Variants in NRG3 observed in about 807,000 individuals in gnomAD.
The protein encoded by NRG3 is pro-neuregulin-3, membrane-bound isoform.
Under a neutral mutation model 66.9 loss-of-function variants are expected in NRG3, and 31 were observed. The ratio of observed to expected loss-of-function variants is 0.46; its 90% CI spans 0.35 to 0.63. The LOEUF (loss-of-function observed/expected upper bound fraction) is 0.63. NRG3 is among the 20% of genes least tolerant of loss of function. The pLI is 0.00. For synonymous variants in NRG3, 393 were observed against 359.4 expected, an observed-to-expected ratio of 1.09 and a Z score of -1.06; for missense variants, 910 against 878.9, an observed-to-expected ratio of 1.04 and a Z score of -0.45.
intron 4 of NRG3, among the ~76,000 whole-genome samples, chr10:82,868,095 C>G (rs1840941021): frequency 6.6e-6 from 1 of 152,054 alleles, no homozygotes; most frequent in Admixed American, 6.6e-5. Flanking sequence ...GTCTAGATCC[C>G]CAGTGTAGCC....
chr10:81,903,974 G>GTATATA (rs71007284), intron 1 of NRG3, among the ~76,000 whole-genome samples: 11 of 143,424 alleles, frequency 7.7e-5, no homozygotes, highest in Non-Finnish European at 1.7e-4. Context: ...TTCAGAGTGT[G>GTATATA]TATATATATA....
intron 1 of NRG3, among the ~76,000 whole-genome samples, chr10:82,214,079 A>C (rs922805323): frequency 2.6e-5 from 4 of 152,146 alleles, no homozygotes; most frequent in Non-Finnish European, 5.9e-5. Flanking sequence ...TGTTCTGACA[A>C]AGTGTTTTTT....
intron 2 of NRG3, among the ~76,000 whole-genome samples, chr10:82,427,090 C>T (rs971837071): frequency 6.6e-6 from 1 of 151,956 alleles, no homozygotes; most frequent in Non-Finnish European, 1.5e-5. Context: ...TGTGGGTGTG[C>T]ATTTGTGTGT....
At chr10:82,443,450 C>CT (rs2090549704) in intron 2 of NRG3, among the ~76,000 whole-genome samples, 1 of 152,166 alleles carries the variant, frequency 6.6e-6, no homozygotes, top group Non-Finnish European at 1.5e-5. Flanking sequence ...TGCAGATTAA[C>CT]TTTTTTAAGA....
chr10:82,299,083 C>T (rs2080243279), intron 1 of NRG3, among the ~76,000 whole-genome samples: 1 of 152,024 alleles, frequency 6.6e-6, no homozygotes, highest in Non-Finnish European at 1.5e-5. Context: ...AAGGGGAGCA[C>T]CCCACCCACC....
chr10:82,328,319 C>T (rs1249281844), intron 1 of NRG3, among the ~76,000 whole-genome samples: 1 of 152,090 alleles, frequency 6.6e-6, no homozygotes, highest in African/African-American at 2.4e-5. Flanking sequence ...TCGGCCACAT[C>T]CCTCAGTGGC....
At chr10:82,869,746 T>G (rs895660262) in intron 4 of NRG3, among the ~76,000 whole-genome samples, 1 of 151,966 alleles carries the variant, frequency 6.6e-6, no homozygotes. Flanking sequence ...TAGCTGGGAC[T>G]ACAGGCACCC....
intron 1 of NRG3, among the ~76,000 whole-genome samples, chr10:82,299,337 C>A (rs2080256348): frequency 6.6e-6 from 1 of 152,112 alleles, no homozygotes; most frequent in Admixed American, 6.6e-5. Context: ...CCTAAAACTT[C>A]CATTTTGCAA....
chr10:82,314,274 G>C (rs1411096354), intron 1 of NRG3, among the ~76,000 whole-genome samples: 1 of 152,054 alleles, frequency 6.6e-6, no homozygotes, highest in African/African-American at 2.4e-5. Flanking sequence ...GGAGTTGTGG[G>C]TTGATGTTAT....
chr10:82,166,206 G>C (rs1328589744), intron 1 of NRG3, among the ~76,000 whole-genome samples: 1 of 151,942 alleles, frequency 6.6e-6, no homozygotes, highest in Non-Finnish European at 1.5e-5. Flanking sequence ...ATTTTTAGTA[G>C]AGATAGGGTT....
intron 1 of NRG3, among the ~76,000 whole-genome samples, chr10:82,296,922 A>G (rs2080097526): frequency 6.6e-6 from 1 of 150,628 alleles, no homozygotes; most frequent in African/African-American, 2.4e-5. Context: ...TCAACCCTTT[A>G]CTCCCTCCCT....
chr10:82,107,518 A>T (rs140004533), intron 1 of NRG3, among the ~76,000 whole-genome samples: 186 of 152,310 alleles, frequency 1.2e-3, no homozygotes, highest in African/African-American at 4.3e-3. Context: ...TTTTAAAAAA[A>T]ATTTTACAGG....
chr10:81,891,333 C>T (rs1842990998), intron 1 of NRG3, among the ~76,000 whole-genome samples: 1 of 152,192 alleles, frequency 6.6e-6, no homozygotes. Context: ...TGACCATGTA[C>T]TCTCTGTAAG....
At chr10:81,919,471 C>T (rs995060227) in intron 1 of NRG3, among the ~76,000 whole-genome samples, 6 of 152,030 alleles carry the variant, frequency 3.9e-5, no homozygotes, top group Non-Finnish European at 7.4e-5. Context: ...ATTATGAACT[C>T]ATAAATAACA....
At chr10:82,232,753 A>G (rs553618737) in intron 1 of NRG3, 1 of 717,352 alleles carries the variant, frequency 1.4e-6, no homozygotes, top group East Asian at 2.7e-5. Flanking sequence ...TCCTAGAGAC[A>G]GGAGGCATGC....
intron 2 of NRG3, among the ~76,000 whole-genome samples, chr10:82,506,744 C>T (rs1347063855): frequency 1.3e-5 from 2 of 152,132 alleles, no homozygotes; most frequent in African/African-American, 4.8e-5. Context: ...ATTTTTTATG[C>T]ATTACACTAT....
At chr10:81,923,357 C>T (rs1470535188) in intron 1 of NRG3, among the ~76,000 whole-genome samples, 1 of 152,188 alleles carries the variant, frequency 6.6e-6, no homozygotes, top group Non-Finnish European at 1.5e-5. Flanking sequence ...AGGCGCCCGC[C>T]ACCGCGCCCG....
chr10:82,545,740 A>T (rs1424575481), intron 2 of NRG3, among the ~76,000 whole-genome samples: 2 of 150,296 alleles, frequency 1.3e-5, no homozygotes, highest in Non-Finnish European at 3.0e-5. Flanking sequence ...TTCTTGCAGC[A>T]TAACAGACGT....
chr10:82,778,309 A>C (rs1402295825), intron 3 of NRG3, among the ~76,000 whole-genome samples: 1 of 152,168 alleles, frequency 6.6e-6, no homozygotes, highest in Non-Finnish European at 1.5e-5. Context: ...TCAAACTGCT[A>C]TGAAGAAATC....
Sources: allele counts gnomAD v4.1 joint callset (sites outside exome capture counted in the v4.1 genomes callset), GRCh38; gene constraint gnomAD v4.1.1; transcripts MANE v1.5; gene names NCBI Gene and HGNC (gene_info 2026-07-23, HGNC 2026-07-21).